Variants in KANTR observed in about 807,000 individuals in gnomAD.
KANTR encodes KDM5C adjacent transcript.
intron 2 of KANTR, among the ~76,000 whole-genome samples, chrX:53,111,234 C>T (rs1311910436): frequency 9.2e-6 from 1 of 108,744 alleles, no homozygotes; most frequent in African/African-American, 3.3e-5. Context: ...CCAGGCTGGT[C>T]TCAAACTCCT....
chrX:53,113,061 A>G, intron 2 of KANTR: 1 of 227,104 alleles, frequency 4.4e-6, no homozygotes, highest in South Asian at 6.5e-5. Flanking sequence ...GATTATAATT[A>G]TGAACTTTAA....
chrX:53,105,656 A>AT (rs201110686), intron 2 of KANTR, among the ~76,000 whole-genome samples: 1,812 of 82,814 alleles, frequency 0.022, 81 homozygotes, highest in African/African-American at 0.075. Flanking sequence ...CACCTGGTTA[A>AT]TTTTTTTTTT....
At chrX:53,135,541 A>T (rs1219439425) in intron 2 of KANTR, among the ~76,000 whole-genome samples, 2 of 112,287 alleles carry the variant, frequency 1.8e-5, no homozygotes, top group African/African-American at 6.5e-5. Flanking sequence ...GTTAGCTCTT[A>T]TTGTATGAAA....
downstream of KANTR, among the ~76,000 whole-genome samples, chrX:53,130,065 C>G (rs1933342414): frequency 9.0e-6 from 1 of 110,831 alleles, no homozygotes. Context: ...CAGGATTTCA[C>G]CATGTCGGTC....
downstream of KANTR, chrX:53,143,793 G>C (rs782393033): frequency 1.9e-6 from 1 of 515,397 alleles, no homozygotes; most frequent in Non-Finnish European, 3.6e-6. Context: ...TCACACCCTG[G>C]TGCCGGGGTC....
At chrX:53,113,379 A>G (rs1258768712) in intron 2 of KANTR, 1 of 115,411 alleles carries the variant, frequency 8.7e-6, no homozygotes, top group African/African-American at 3.3e-5. Context: ...TAAATGTTTC[A>G]TTTTATTCAT....
chrX:53,123,009 A>T (rs967607606), intron 2 of KANTR, among the ~76,000 whole-genome samples: 4 of 111,880 alleles, frequency 3.6e-5, no homozygotes, highest in African/African-American at 1.3e-4. Context: ...GTTTGGTAGA[A>T]CTTCTGCAAA....
chrX:53,100,976 T>C (rs1932887929), intron 2 of KANTR, among the ~76,000 whole-genome samples: 1 of 111,834 alleles, frequency 8.9e-6, no homozygotes, highest in Non-Finnish European at 1.9e-5. Context: ...TTCCAACTTT[T>C]CTTCTGCAGC....
chrX:53,126,755 G>A (rs782255240), exon 3 of KANTR: 9 of 111,387 alleles, frequency 8.1e-5, no homozygotes, highest in South Asian at 3.8e-4. Context: ...ATACCCTTTC[G>A]TTTTCCTTGG....
At chrX:53,122,532 A>T in intron 2 of KANTR, among the ~76,000 whole-genome samples, 1 of 111,447 alleles carries the variant, frequency 9.0e-6, no homozygotes, top group South Asian at 3.8e-4. Context: ...AACACCACTA[A>T]CTTTTCCCTA....
exon 3 of KANTR, chrX:53,126,940 C>A (rs1933297268): frequency 9.0e-6 from 1 of 111,396 alleles, no homozygotes; most frequent in Non-Finnish European, 1.9e-5. Context: ...GCCCAAAGTC[C>A]CTACATAATC....
intron 2 of KANTR, among the ~76,000 whole-genome samples, chrX:53,105,513 G>A (rs868911710): frequency 3.7e-5 from 4 of 106,861 alleles, no homozygotes; most frequent in Admixed American, 1.0e-4. Flanking sequence ...TTTTGGAGAC[G>A]GAGTCTCACT....
exon 3 of KANTR, chrX:53,127,340 A>G (rs1569239464): frequency 2.7e-5 from 3 of 112,417 alleles, no homozygotes; most frequent in Admixed American, 9.4e-5. Flanking sequence ...TGTAAGCTCC[A>G]TAAAGCAGGG....
chrX:53,141,599 T>A (rs80235185), intron 2 of KANTR, among the ~76,000 whole-genome samples: 2 of 110,342 alleles, frequency 1.8e-5, no homozygotes, highest in Non-Finnish European at 3.8e-5. Context: ...TTTCCTTTTT[T>A]CTTTCTCTCT....
At chrX:53,097,977 G>A (rs782205096) in intron 1 of KANTR, among the ~76,000 whole-genome samples, 1 of 104,321 alleles carries the variant, frequency 9.6e-6, no homozygotes, top group East Asian at 3.0e-4. Context: ...CTTGAACACA[G>A]GAGGCAGACG....
chrX:53,133,963 C>T (rs1215771169), intron 2 of KANTR, among the ~76,000 whole-genome samples: 1 of 111,858 alleles, frequency 8.9e-6, no homozygotes, highest in Admixed American at 9.5e-5. Context: ...TGGAACTCTT[C>T]ACCTAATTGT....
intron 2 of KANTR, among the ~76,000 whole-genome samples, chrX:53,110,880 G>A (rs1235214229): frequency 2.8e-5 from 3 of 107,601 alleles, no homozygotes; most frequent in Non-Finnish European, 3.9e-5. Flanking sequence ...CCGAGATTGC[G>A]CCACTGCACT....
intron 2 of KANTR, among the ~76,000 whole-genome samples, chrX:53,105,177 C>T (rs1932933328): frequency 9.0e-6 from 1 of 111,704 alleles, no homozygotes; most frequent in Non-Finnish European, 1.9e-5. Context: ...AGCCATGGTG[C>T]CCCGCCTTAT....
intron 2 of KANTR, among the ~76,000 whole-genome samples, chrX:53,134,159 C>T (rs1556817342): frequency 1.8e-5 from 2 of 111,044 alleles, no homozygotes; most frequent in African/African-American, 6.6e-5. Flanking sequence ...GTCAGGAGTT[C>T]GAGACCAGCC....
Sources: gnomAD v4.1 joint callset for allele counts (sites outside exome capture counted in the v4.1 genomes callset) on GRCh38, gnomAD v4.1.1 for gene constraint, MANE v1.5 for transcripts, NCBI Gene and HGNC (gene_info 2026-07-23, HGNC 2026-07-21) for gene names.